Variants in AK4 observed in about 807,000 individuals in gnomAD.
The protein encoded by AK4 is adenylate kinase 4.
In AK4, 13 loss-of-function variants were observed where a neutral mutation model predicts 24.6. That is an observed-to-expected ratio of 0.53 (90% CI 0.34 to 0.84). The LOEUF (loss-of-function observed/expected upper bound fraction) is 0.84. AK4 is among the 40% of genes least tolerant of loss of function. The probability of loss-of-function intolerance (pLI) is 0.01; values close to 1 mark genes in which losing one functional copy is unlikely to be tolerated. For synonymous variants in AK4, 88 were observed against 107.0 expected (o/e 0.82, Z 1.10); for missense variants, 192 against 288.2 (o/e 0.67, Z 2.42).
chr1:65,178,066 G>T (rs1650777065), intron 1 of AK4, among the ~76,000 whole-genome samples: 1 of 152,162 alleles, frequency 6.6e-6, no homozygotes, highest in African/African-American at 2.4e-5. Context: ...GTATGGTAAA[G>T]GGTGTAATGA....
intron 1 of AK4, 77 bp downstream of exon 1, chr1:65,148,629 C>A: frequency 7.0e-7 from 1 of 1,434,162 alleles, no homozygotes; most frequent in South Asian, 1.5e-5. Context: ...CTGGGGCTCC[C>A]GGATCACGGC....
intron 2 of AK4, among the ~76,000 whole-genome samples, chr1:65,194,685 C>T (rs1180345334): frequency 6.6e-6 from 1 of 152,188 alleles, no homozygotes; most frequent in Non-Finnish European, 1.5e-5. Flanking sequence ...TGGTCTTGAA[C>T]TCATGACCTC....
intron 3 of AK4, among the ~76,000 whole-genome samples, chr1:65,224,460 A>G (rs148069388): frequency 7.9e-5 from 12 of 152,360 alleles, no homozygotes; most frequent in African/African-American, 2.9e-4. Context: ...GAGAGGTTGC[A>G]TGCAATTTTA....
chr1:65,170,965 T>C (rs1220312521), intron 1 of AK4, among the ~76,000 whole-genome samples: 1 of 149,044 alleles, frequency 6.7e-6, no homozygotes. Flanking sequence ...TTTTTTTTTT[T>C]TTTTTTTTTT....
chr1:65,177,609 A>C (rs186578599), intron 1 of AK4, among the ~76,000 whole-genome samples: 1 of 152,214 alleles, frequency 6.6e-6, no homozygotes, highest in Non-Finnish European at 1.5e-5. Flanking sequence ...AATACTTTGG[A>C]ATCCTAATCT....
At chr1:65,155,170 C>T (rs777522527) in intron 1 of AK4, among the ~76,000 whole-genome samples, 2 of 151,810 alleles carry the variant, frequency 1.3e-5, no homozygotes, top group African/African-American at 2.4e-5. Flanking sequence ...GCGTTTTAAA[C>T]GTAGCTTACA....
intron 1 of AK4, among the ~76,000 whole-genome samples, chr1:65,177,936 A>AT (rs201970932): frequency 1.6e-5 from 2 of 121,446 alleles, no homozygotes; most frequent in East Asian, 7.2e-4. Flanking sequence ...ATAAGATAGC[A>AT]TTTAAAAAAA....
chr1:65,222,167 A>G (rs61106989), intron 3 of AK4, among the ~76,000 whole-genome samples: 42,341 of 151,966 alleles, frequency 0.28, 6,754 homozygotes, highest in East Asian at 0.69. Context: ...ACAGTGCTGG[A>G]GAAAGGCTGG....
chr1:65,215,731 C>G (rs1406952261), intron 2 of AK4, among the ~76,000 whole-genome samples: 1 of 152,190 alleles, frequency 6.6e-6, no homozygotes, highest in African/African-American at 2.4e-5. Flanking sequence ...ATTTTGTACA[C>G]TTTGCATTTT....
At chr1:65,215,447 C>T (rs546045699) in intron 2 of AK4, among the ~76,000 whole-genome samples, 1 of 152,334 alleles carries the variant, frequency 6.6e-6, no homozygotes, top group Non-Finnish European at 1.5e-5. Context: ...GCTGGGATTA[C>T]AGGCGTGAGC....
chr1:65,180,606 G>C (rs1364534759), intron 1 of AK4, among the ~76,000 whole-genome samples: 1 of 152,046 alleles, frequency 6.6e-6, no homozygotes, highest in African/African-American at 2.4e-5. Context: ...TTTCTTACTG[G>C]AAGAGATTCA....
At chr1:65,152,712 A>G (rs915629754) in intron 1 of AK4, among the ~76,000 whole-genome samples, 5 of 151,936 alleles carry the variant, frequency 3.3e-5, no homozygotes, top group Non-Finnish European at 7.4e-5. Context: ...GCTTCTCAAT[A>G]TTAACTGCAG....
chr1:65,225,254 G>C (rs1652417810), intron 4 of AK4, among the ~76,000 whole-genome samples: 1 of 152,144 alleles, frequency 6.6e-6, no homozygotes, highest in African/African-American at 2.4e-5. Context: ...GTCCCTTCTT[G>C]AAGTGTCTGT....
chr1:65,226,378 A>G lies in AK4; in HGVS notation c.*201A>G. The stretch of plus-strand genomic sequence containing the variant: ...CTGCCTTTCAAAAGGCTGGTCACCT[A>G]CACATGTTTAAGGTGTCTCTGCACA... On this transcript the variant is annotated 3_prime_UTR_variant, in exon 5 of 5. Transcript: ENST00000327299. The G allele has an allele frequency of 3.9e-6, 3 of 759,666 alleles. No individual in the cohort carries two copies. The highest frequency in any genetic ancestry group is 6.1e-6 in the Non-Finnish European group (3 of 488,134). 47.1% of individuals were successfully genotyped at this position (759,666 alleles called of 1,614,324 possible).
Position 65,230,948 on chromosome 1 carries a change from G to A in AK4, c.*4771G>A, listed in dbSNP as rs1404194356. ...TTTCTGCAGTTGATTTTGCTAGAGAGGCAATTCATAAGGTGAGGTCCTGTT... is the reference window on the plus strand; with the variant it reads ...TTTCTGCAGTTGATTTTGCTAGAGAAGCAATTCATAAGGTGAGGTCCTGTT... On this transcript the variant is annotated 3_prime_UTR_variant, in exon 5 of 5. Transcript: ENST00000327299. The A allele has an allele frequency of 6.6e-6, 1 of 152,084 alleles. No homozygotes were observed. Among genetic ancestry groups the A allele is most frequent in the Non-Finnish European group, 1.5e-5 (1 of 68,020 alleles). 9.4% of individuals were successfully genotyped at this position (152,084 alleles called of 1,614,324 possible).
chr1:65,215,043 T>TATTAGA (rs1321309174), intron 2 of AK4, among the ~76,000 whole-genome samples: 2 of 152,194 alleles, frequency 1.3e-5, no homozygotes, highest in African/African-American at 4.8e-5. Flanking sequence ...TCGTCATGAA[T>TATTAGA]CGGGGTAAAT....
At chr1:65,180,942 C>T (rs1388335437) in intron 1 of AK4, among the ~76,000 whole-genome samples, 1 of 152,130 alleles carries the variant, frequency 6.6e-6, no homozygotes, top group African/African-American at 2.4e-5. Flanking sequence ...AGTGGTCTTA[C>T]AAGGGAATTG....
intron 2 of AK4, among the ~76,000 whole-genome samples, chr1:65,199,708 T>G (rs561555653): frequency 6.6e-6 from 1 of 152,328 alleles, no homozygotes; most frequent in East Asian, 1.9e-4. Flanking sequence ...TTTGATTATA[T>G]AGCTTGAGTA....
At chr1:65,207,477 G>A (rs1166250872) in intron 2 of AK4, among the ~76,000 whole-genome samples, 3 of 152,116 alleles carry the variant, frequency 2.0e-5, no homozygotes, top group Non-Finnish European at 4.4e-5. Context: ...TCTCAGCACT[G>A]TGGGGAGTGT....
Sources: allele counts gnomAD v4.1 joint callset (sites outside exome capture counted in the v4.1 genomes callset), GRCh38; gene constraint gnomAD v4.1.1; transcripts MANE v1.5; gene names NCBI Gene and HGNC (gene_info 2026-07-23, HGNC 2026-07-21).